MICALL2: variants seen among roughly 807,000 people sequenced by gnomAD.
MICALL2 encodes the protein MICAL-like protein 2.
A neutral mutation model predicts 91.1 loss-of-function variants in MICALL2; 111 were observed. The observed-to-expected ratio is 1.22, with a 90% CI of 1.04 to 1.43. MICALL2 has a LOEUF of 1.43. MICALL2 is among the 40% of genes most tolerant of loss of function. The pLI is 0.00. For missense variants in MICALL2, 1,556 were observed against 1,236.0 expected (o/e 1.26, Z -3.88); for synonymous variants, 694 against 525.3 (o/e 1.32, Z -4.39).
At chr7:1,449,631 C>T (rs1349355465) in intron 2 of MICALL2, among the ~76,000 whole-genome samples, 6 of 152,274 alleles carry the variant, frequency 3.9e-5, no homozygotes, top group Admixed American at 2.0e-4. Context: ...ACCACTGTCC[C>T]CGCTGAAGGC....
chr7:1,437,402 G>A (rs377544876), intron 14 of MICALL2, 133 bp downstream of exon 14: 56 of 683,988 alleles, frequency 8.2e-5, no homozygotes, highest in South Asian at 4.5e-4. Context: ...AAACTCAAAC[G>A]TGGGCTCGCC....
intron 14 of MICALL2, 72 bp downstream of exon 14, chr7:1,437,463 C>G: frequency 7.3e-7 from 1 of 1,362,750 alleles, no homozygotes; most frequent in Non-Finnish European, 9.7e-7. Flanking sequence ...CCTCACAGAG[C>G]CGGCCCCCAG....
rs531887846 is a variant in MICALL2 at position 1,435,375 on chromosome 7, C to T, written c.2592-228G>A. ...TCAACAGTGACATGGTACAGGAGGG[C>T]CCTGGGCCGACCACACAGGTGACCT... On this transcript the variant is annotated intron_variant, in intron 15 of 16. Coordinates refer to ENST00000297508, the MANE Select transcript of MICALL2 (RefSeq NM_182924.4). Among the ~76,000 whole-genome samples, 45 of 148,450 alleles carry T rather than the reference C, an allele frequency of 3.0e-4. 1 individual carries two copies. Among genetic ancestry groups the T allele is most frequent in the Admixed American group, 2.8e-3 (42 of 15,030 alleles).
At chr7:1,439,647 T>C in intron 9 of MICALL2, 1 of 369,242 alleles carries the variant, frequency 2.7e-6, no homozygotes, top group South Asian at 1.0e-4. Flanking sequence ...ATGCATCACG[T>C]GCACATGCAT....
chr7:1,442,217 C>T lies in MICALL2; in HGVS notation c.1686G>A (p.Lys562=), dbSNP rs149817393. 6.2e-7 allele frequency: 1 copy of T among 1,612,642 alleles called. No homozygotes were observed. Among genetic ancestry groups the T allele is most frequent in the East Asian group, 2.2e-5 (1 of 44,896 alleles). Residue 562 remains lysine (K), a synonymous_variant, in exon 7 of 17, where the codon AAG becomes AAA. Transcript: ENST00000297508. ...SRPKPEAPMA[K]GKSTTLTQDM... ...CCTGCGTTAAGGTGGTGCTTTTACC[C>T]TTTGCCATCGGGGCCTCTGGCTTCG...
At chr7:1,454,681 C>G (rs1375477609) in intron 1 of MICALL2, among the ~76,000 whole-genome samples, 6 of 152,228 alleles carry the variant, frequency 3.9e-5, no homozygotes, top group Non-Finnish European at 1.5e-5. Context: ...CCACAAGCAG[C>G]TTCCTGCTGA....
At chr7:1,447,830 A>G in intron 3 of MICALL2, 65 bp from the exon 4 acceptor site, 10 of 1,278,476 alleles carry the variant, frequency 7.8e-6, no homozygotes, top group Non-Finnish European at 1.0e-5. Flanking sequence ...TAGTCCCTCC[A>G]GAGGTCCCAG....
intron 9 of MICALL2, 191 bp from the exon 10 acceptor site, chr7:1,439,186 G>C: frequency 1.8e-6 from 1 of 565,132 alleles, no homozygotes; most frequent in Non-Finnish European, 3.1e-6. Context: ...GTCTCCCCAG[G>C]GGGCTAACCC....
rs371418734 is a variant in MICALL2 at position 1,444,415 on chromosome 7, G to A, written c.1418+237C>T. Reference sequence around the variant, plus strand: ...CGCCACCGCACCCATGACGCCCCGAGCACATGCGGACAGCAGCTTTTCCAT... The same window carrying A: ...CGCCACCGCACCCATGACGCCCCGAACACATGCGGACAGCAGCTTTTCCAT... On this transcript the variant is annotated intron_variant, in intron 6 of 16. Transcript: ENST00000297508. Among the ~76,000 whole-genome samples the A allele has an allele frequency of 3.3e-4, 51 of 152,290 alleles. No individual in the cohort carries two copies. In the East Asian group the frequency reaches 8.9e-3, roughly 27 times the overall value.
intron 16 of MICALL2, 89 bp downstream of exon 16, chr7:1,435,012 C>A: frequency 1.8e-6 from 1 of 554,792 alleles, no homozygotes. Context: ...AGCTGGAGGC[C>A]CGGTCCACCC....
At chr7:1,453,985 C>G (rs983209662) in intron 1 of MICALL2, among the ~76,000 whole-genome samples, 1 of 152,156 alleles carries the variant, frequency 6.6e-6, no homozygotes, top group Non-Finnish European at 1.5e-5. Flanking sequence ...TGCCCCTGCC[C>G]GGCCACACCT....
At chr7:1,437,836 C>A in intron 13 of MICALL2, 54 bp downstream of exon 13, 1 of 1,497,482 alleles carries the variant, frequency 6.7e-7, no homozygotes, top group East Asian at 2.5e-5. Context: ...CTGGCCTGCC[C>A]AGCCCGCAAC....
Position 1,448,629 on chromosome 7 carries a change from G to A in MICALL2, c.325C>T (p.Arg109Cys), listed in dbSNP as rs149008569. The change falls in exon 3 of 17, where the codon CGC becomes TGC. Residue 109 changes from arginine to cysteine, a missense_variant. By Grantham distance (180) the Arg-to-Cys change is radical (BLOSUM62 -3). Transcript: ENST00000297508. ...VSQYYNYFHGRSPIGGMAGVK... is the reference protein window; with the variant it reads ...VSQYYNYFHGCSPIGGMAGVK... ...CGCGGCAGGGACTCACTGGGGGAGC[G>A]GCCGTGGAAGTAGTTGTAATACTGG... The A allele has an allele frequency of 9.1e-3, 14,665 of 1,612,630 alleles. 85 individuals carry two copies. Among genetic ancestry groups the A allele is most frequent in the Non-Finnish European group, 0.01 (12,089 of 1,179,864 alleles).
chr7:1,454,759 T>TTCCC (rs1780954209), intron 1 of MICALL2, among the ~76,000 whole-genome samples: 1 of 152,018 alleles, frequency 6.6e-6, no homozygotes, highest in African/African-American at 2.4e-5. Context: ...GGGCACTGCC[T>TTCCC]GGGAGCTTCT....
chr7:1,454,410 C>T (rs1780940057), intron 1 of MICALL2, among the ~76,000 whole-genome samples: 3 of 151,568 alleles, frequency 2.0e-5, no homozygotes, highest in African/African-American at 7.3e-5. Context: ...AAGGAGCAAA[C>T]CTCAGAGACA....
intron 12 of MICALL2, 35 bp downstream of exon 12, chr7:1,438,062 G>A (rs1204098133): frequency 1.9e-6 from 3 of 1,566,352 alleles, no homozygotes; most frequent in Non-Finnish European, 2.6e-6. Flanking sequence ...GTCTGTGGGA[G>A]TCGGGCTGGC....
chr7:1,446,822 C>G lies in MICALL2; in HGVS notation c.532G>C (p.Ala178Pro). ...CTGCTGACCAAGCTGCCCGCCAATG[C>G]CTGGTCCTGGGGAAGATGCCAGCAC... ...AGGPPPKTDQ[A>P]LAGSLVSSTC... Residue 178 changes from alanine to proline, a missense_variant, in exon 5 of 17, where the codon GCA becomes CCA. Ala to Pro is a conservative substitution (Grantham distance 27, BLOSUM62 -1). Coordinates refer to ENST00000297508, the MANE Select transcript of MICALL2 (RefSeq NM_182924.4). 6.3e-7 allele frequency: 1 copy of G among 1,587,856 alleles called. No homozygotes were observed. The highest frequency in any genetic ancestry group is 8.6e-7 in the Non-Finnish European group (1 of 1,167,158).
chr7:1,446,085 C>G (rs1780563350), intron 5 of MICALL2, among the ~76,000 whole-genome samples: 1 of 136,182 alleles, frequency 7.3e-6, no homozygotes, highest in East Asian at 2.2e-4. Flanking sequence ...TGAGGGGCAT[C>G]AGGTCCTGGG....
Position 1,438,322 on chromosome 7 carries a change from A to T in MICALL2, c.2154T>A (p.Ala718=). The change falls in exon 11 of 17, where the codon GCT becomes GCA. Residue 718 remains alanine (A), a synonymous_variant. Coordinates refer to ENST00000297508, the MANE Select transcript of MICALL2 (RefSeq NM_182924.4). ...GGGAGGTCACCGTCTCGCCAGGCAG[A>T]GCAGGGACATTGGCCGGGGACAAGG... The part of the protein sequence containing the change: ...GRPLSPANVP[A]LPGETVTSPV... 6.2e-7 allele frequency: 1 copy of T among 1,605,008 alleles called. No homozygotes were observed. Among genetic ancestry groups the T allele is most frequent in the South Asian group, 1.1e-5 (1 of 89,560 alleles).
Sources: allele counts gnomAD v4.1 joint callset (sites outside exome capture counted in the v4.1 genomes callset), GRCh38; gene constraint gnomAD v4.1.1; transcripts MANE v1.5; gene names NCBI Gene and HGNC (gene_info 2026-07-23, HGNC 2026-07-21).